Variants in TINAGL1 observed in about 807,000 individuals in gnomAD.
TINAGL1 encodes the protein tubulointerstitial nephritis antigen-like.
In TINAGL1, 34 loss-of-function variants were observed where a neutral mutation model predicts 62.0. That is an observed-to-expected ratio of 0.55 (90% confidence interval 0.42 to 0.73). TINAGL1 has a LOEUF of 0.73. Among genes scored for constraint, TINAGL1 ranks in the 30% least tolerant of loss-of-function variants. The probability of loss-of-function intolerance (pLI) is 0.00; values close to 1 mark genes in which losing one functional copy is unlikely to be tolerated. For synonymous variants in TINAGL1, 221 were observed against 249.7 expected (o/e 0.88, Z 1.08); for missense variants, 516 against 653.2 (o/e 0.79, Z 2.29).
Position 31,583,249 on chromosome 1 carries a change from G to T in TINAGL1, c.467+8G>T, listed in dbSNP as rs780121232. 1 of 1,613,738 alleles carries T rather than the reference G, an allele frequency of 6.2e-7. No individual in the cohort carries two copies. Among genetic ancestry groups the T allele is most frequent in the South Asian group, 1.1e-5 (1 of 91,076 alleles). On this transcript the variant is annotated splice_region_variant and intron_variant, in intron 4 of 11. Coordinates refer to ENST00000271064, the MANE Select transcript of TINAGL1 (RefSeq NM_022164.3). The surrounding 1 kb of genome is among the most constrained non-coding windows in gnomAD (Gnocchi z 4.4). ...CAACCAGGGCAACTATGGGTGAGAGGCCCTAGAGGCACCCTCAGTGGGCAC... is the reference window on the plus strand; with the variant it reads ...CAACCAGGGCAACTATGGGTGAGAGTCCCTAGAGGCACCCTCAGTGGGCAC...
At position 31,578,435 on chromosome 1, in the gene TINAGL1, G is replaced by GT. The variant is rs202026222; in HGVS notation, c.311-768dup. Among the ~76,000 whole-genome samples, 476 of 77,156 alleles carry GT rather than the reference G, an allele frequency of 6.2e-3. 4 individuals carry two copies. Among genetic ancestry groups the GT allele is most frequent in the Non-Finnish European group, 9.2e-3 (398 of 43,270 alleles). The allele number at this position is 77,156 out of a possible 152,430, so 50.6% of individuals were successfully genotyped here. A position where few individuals can be genotyped will look rare whatever the true frequency, so the allele number is the denominator to read the frequency against. On this transcript the variant is annotated intron_variant, in intron 2 of 11. Coordinates refer to ENST00000271064, the MANE Select transcript of TINAGL1 (RefSeq NM_022164.3). The stretch of plus-strand genomic sequence containing the variant: ...TATAGTTTAATTTTAGTGACAGCTG[G>GT]TGTGTGTGTGTGTGTGTGTGTGTGA...
rs577650878 is a variant in TINAGL1, at chr1:31,587,119, G to T, written c.*140G>T. On this transcript the variant is annotated 3_prime_UTR_variant, in exon 12 of 12. Transcript: ENST00000271064. ...CGCCAGGGCGCTAATCCCGGCGCGG[G>T]TTCCGCTGACGCAGCGCCCCGCCTG... 8 of 1,255,490 alleles carry T rather than the reference G, an allele frequency of 6.4e-6. No individual in the cohort carries two copies. In the South Asian group the frequency reaches 2.1e-4, roughly 33 times the overall value. 77.8% of individuals were successfully genotyped at this position (1,255,490 alleles called of 1,614,324 possible).
rs1394933752 is a variant in TINAGL1 at position 31,585,327 on chromosome 1, G to A, written c.1034G>A (p.Arg345His). ...ATCTACCAGGTCACTCCTGTCTACC[G>A]CCTCGGCTCCAACGTAAGTCAGCAC... ...NDIYQVTPVY[R>H]LGSNDKEIMK... The change falls in exon 8 of 12, where the codon CGC becomes CAC. Residue 345 changes from arginine (R) to histidine (H), a missense_variant. Arg to His is a conservative substitution (Grantham distance 29). Transcript: ENST00000271064. The surrounding 1 kb of genome is among the most constrained non-coding windows in gnomAD (Gnocchi z 4.3). 5 of 1,604,642 alleles carry A rather than the reference G, an allele frequency of 3.1e-6. No individual in the cohort carries two copies. The highest frequency in any genetic ancestry group is 1.3e-5 in the African/African-American group (1 of 74,852).
At chr1:31,580,872 C>G in intron 3 of TINAGL1, 3 of 995,374 alleles carry the variant, frequency 3.0e-6, no homozygotes, top group Non-Finnish European at 3.9e-6. Context: ...AGTCCTTGTC[C>G]CATTTCTAGT....
At chr1:31,586,437 TCTCTGGAGGACCCAGGTTCCCTC>T in intron 10 of TINAGL1, 1 of 571,700 alleles carries the variant, frequency 1.7e-6, no homozygotes, top group East Asian at 3.0e-5. Flanking sequence ...AGGAGGTGGG[TCTCTGGAGGACCCAGGTTCCCTC>T]CTCTTCTGCT....
intron 3 of TINAGL1, among the ~76,000 whole-genome samples, chr1:31,581,515 T>C (rs906025941): frequency 6.6e-6 from 1 of 151,934 alleles, no homozygotes; most frequent in Non-Finnish European, 1.5e-5. Context: ...ATTTTCAGAG[T>C]TGAAGATGTT....
In TINAGL1 at chr1:31,577,063, C is replaced by A; in HGVS notation, c.-15-71C>A. 2 of 1,342,674 alleles carry A rather than the reference C, an allele frequency of 1.5e-6. No homozygotes were observed. Among genetic ancestry groups the A allele is most frequent in the Non-Finnish European group, 2.0e-6 (2 of 1,017,466 alleles). 83.2% of individuals were successfully genotyped at this position (1,342,674 alleles called of 1,614,324 possible). ...CTGCTGGGCCCTCTTGAACTCACAG[C>A]TCCAGGAAACTGGGAGACTCATCCC... On this transcript the variant is annotated intron_variant, in intron 1 of 11. Transcript: ENST00000271064. This position sits in a 1 kb window ranked among gnomAD's most constrained non-coding sequence, Gnocchi z 5.4.
chr1:31,579,087 G>A, intron 2 of TINAGL1, 117 bp from the exon 3 acceptor site: 1 of 735,136 alleles, frequency 1.4e-6, no homozygotes, highest in Admixed American at 2.1e-5. Flanking sequence ...GTGAGACAGA[G>A]AGAGAGAAAG....
At chr1:31,578,435 G>A (rs1371303292) in intron 2 of TINAGL1, among the ~76,000 whole-genome samples, 2 of 77,178 alleles carry the variant, frequency 2.6e-5, no homozygotes, top group Non-Finnish European at 4.6e-5. Context: ...GTGACAGCTG[G>A]TGTGTGTGTG....
chr1:31,583,705 G>A lies in TINAGL1; in HGVS notation c.582+130G>A. 1 of 751,624 alleles carries A rather than the reference G, an allele frequency of 1.3e-6. No individual in the cohort carries two copies. Among genetic ancestry groups the A allele is most frequent in the Non-Finnish European group, 2.2e-6 (1 of 453,596 alleles). The allele number at this position is 751,624 out of a possible 1,614,324, so 46.6% of individuals were successfully genotyped here. On this transcript the variant is annotated intron_variant, in intron 5 of 11. Coordinates refer to ENST00000271064, the MANE Select transcript of TINAGL1 (RefSeq NM_022164.3). The surrounding 1 kb of genome is among the most constrained non-coding windows in gnomAD (Gnocchi z 4.4). ...TACAAGGCTGTGTGTCCCTGGACAAGTTACTCCCCTTCTCTGGGCCTCTGT... is the reference window on the plus strand; with the variant it reads ...TACAAGGCTGTGTGTCCCTGGACAAATTACTCCCCTTCTCTGGGCCTCTGT...
chr1:31,577,261 G>T lies in TINAGL1; in HGVS notation c.113G>T (p.Arg38Leu). The stretch of plus-strand genomic sequence containing the variant: ...GAGCTAGCACCGGGTCTGCACCTGC[G>T]GGGCATCCGGGACGCGGGAGGCCGG... Reference protein sequence around the residue: ...RRELAPGLHLRGIRDAGGRYC... With the variant: ...RRELAPGLHLLGIRDAGGRYC... Residue 38 changes from arginine to leucine, a missense_variant, in exon 2 of 12, where the codon CGG becomes CTG. Coordinates refer to ENST00000271064, the MANE Select transcript of TINAGL1 (RefSeq NM_022164.3). The surrounding 1 kb of genome is among the most constrained non-coding windows in gnomAD (Gnocchi z 5.4). 1 of 1,611,216 alleles carries T rather than the reference G, an allele frequency of 6.2e-7. No individual in the cohort carries two copies.
Position 31,583,197 on chromosome 1 carries a change from G to A in TINAGL1, c.423G>A (p.Leu141=). The A allele has an allele frequency of 6.2e-7, 1 of 1,614,190 alleles. No individual in the cohort carries two copies. The change falls in exon 4 of 12, where the codon CTG becomes CTA. Residue 141 remains leucine, a synonymous_variant. Transcript: ENST00000271064. This position sits in a 1 kb window ranked among gnomAD's most constrained non-coding sequence, Gnocchi z 4.4. ...GGCAGTGTGACCAAGAACCATGCCT[G>A]GTGGATCCAGACATGATCAAAGCCA... ...RQWQCDQEPC[L]VDPDMIKAIN... is the part of the protein sequence containing the mutation.
At position 31,583,770 on chromosome 1, in the gene TINAGL1, T is replaced by C. The variant is rs1639310656; in HGVS notation, c.582+195T>C. On this transcript the variant is annotated intron_variant, in intron 5 of 11. Transcript: ENST00000271064. The surrounding 1 kb of genome is among the most constrained non-coding windows in gnomAD (Gnocchi z 4.4). ...GGATGTGCTGTGCTGGAAGAACTGA[T>C]GCTCAGATTGAATTTCGTGGTCTTG... is the stretch of plus-strand genomic sequence containing the variant. The C allele has an allele frequency of 5.0e-6, 3 of 598,586 alleles. No homozygotes were observed. The highest frequency in any genetic ancestry group is 8.9e-6 in the Non-Finnish European group (3 of 336,000). 37.1% of individuals were successfully genotyped at this position (598,586 alleles called of 1,614,324 possible).
chr1:31,577,444 T>C lies in TINAGL1; in HGVS notation c.296T>C (p.Phe99Ser), dbSNP rs1639016180. ...WDFCLGVPPPFPPIQGCMHGG... is the reference protein window; with the variant it reads ...WDFCLGVPPPSPPIQGCMHGG... ...TTCTGCCTCGGCGTGCCACCCCCTT[T>C]TCCCCCGATCCAAGGTGGGCACTAA... The change falls in exon 2 of 12, where the codon TTT (phenylalanine) becomes TCT (serine). Residue 99 changes from phenylalanine to serine, a missense_variant. Phe to Ser is a radical substitution (Grantham distance 155). Coordinates refer to ENST00000271064, the MANE Select transcript of TINAGL1 (RefSeq NM_022164.3). The surrounding 1 kb of genome is among the most constrained non-coding windows in gnomAD (Gnocchi z 5.4). 1.2e-6 allele frequency: 2 copies of C among 1,611,064 alleles called. No homozygotes were observed. The highest frequency in any genetic ancestry group is 1.7e-4 in the Middle Eastern group (1 of 6,048).
chr1:31,585,977 C>A lies in TINAGL1; in HGVS notation c.1217+101C>A. On this transcript the variant is annotated intron_variant, in intron 10 of 11. Coordinates refer to ENST00000271064, the MANE Select transcript of TINAGL1 (RefSeq NM_022164.3). This position sits in a 1 kb window ranked among gnomAD's most constrained non-coding sequence, Gnocchi z 4.3. ...TTACAACCTCTCTAAAAAGCCAGGACTGCTCTCATCATTTCAATAGGGAGA... is the reference window on the plus strand; with the variant it reads ...TTACAACCTCTCTAAAAAGCCAGGAATGCTCTCATCATTTCAATAGGGAGA... The A allele has an allele frequency of 7.2e-7, 1 of 1,382,656 alleles. No homozygotes were observed. Among genetic ancestry groups the A allele is most frequent in the Non-Finnish European group, 9.5e-7 (1 of 1,047,404 alleles). 85.6% of individuals were successfully genotyped at this position (1,382,656 alleles called of 1,614,324 possible).
At chr1:31,579,400 C>A (rs963711554) in intron 3 of TINAGL1, 133 bp downstream of exon 3, 1 of 742,710 alleles carries the variant, frequency 1.3e-6, no homozygotes, top group Non-Finnish European at 2.3e-6. Context: ...TCCTCATCTG[C>A]AATAGAGGAA....
In TINAGL1 at chr1:31,583,671, A is replaced by G. The variant is rs1557560796; in HGVS notation, c.582+96A>G. On this transcript the variant is annotated intron_variant, in intron 5 of 11. Coordinates refer to ENST00000271064, the MANE Select transcript of TINAGL1 (RefSeq NM_022164.3). The surrounding 1 kb of genome is among the most constrained non-coding windows in gnomAD (Gnocchi z 4.4). ...CCCTGCTCCTCCAAGGGCCTGGACC[A>G]TCCCCTACTACAAGGCTGTGTGTCC... The G allele has an allele frequency of 2.9e-6, 3 of 1,047,606 alleles. No homozygotes were observed. Among genetic ancestry groups the G allele is most frequent in the East Asian group, 2.6e-5 (1 of 38,434 alleles). The allele number at this position is 1,047,606 out of a possible 1,614,324, so 64.9% of individuals were successfully genotyped here. A position where few individuals can be genotyped will look rare whatever the true frequency, so the allele number is the denominator to read the frequency against.
At chr1:31,586,440 C>T (rs1639392746) in intron 10 of TINAGL1, 1 of 578,040 alleles carries the variant, frequency 1.7e-6, no homozygotes. Context: ...AGGTGGGTCT[C>T]TGGAGGACCC....
Position 31,577,381 on chromosome 1 carries a change from A to G in TINAGL1, c.233A>G (p.Asn78Ser). 1 of 1,614,030 alleles carries G rather than the reference A, an allele frequency of 6.2e-7. No individual in the cohort carries two copies. The highest frequency in any genetic ancestry group is 8.5e-7 in the Non-Finnish European group (1 of 1,180,026). ...GAICYCDLFC[N>S]RTVSDCCPDF... ...ATCTGTTACTGTGACCTCTTCTGCA[A>G]CCGCACGGTCTCCGACTGCTGCCCT... The change falls in exon 2 of 12, where the codon AAC (asparagine) becomes AGC (serine). Residue 78 changes from asparagine to serine, a missense_variant. Physicochemically the swap from Asn to Ser is conservative, Grantham distance 46. Coordinates refer to ENST00000271064, the MANE Select transcript of TINAGL1 (RefSeq NM_022164.3). The surrounding 1 kb of genome is among the most constrained non-coding windows in gnomAD (Gnocchi z 5.4).
Sources: allele counts gnomAD v4.1 joint callset (sites outside exome capture counted in the v4.1 genomes callset), GRCh38; gene constraint gnomAD v4.1.1; non-coding constraint Gnocchi (gnomAD v3.1); transcripts MANE v1.5; gene names NCBI Gene and HGNC (gene_info 2026-07-23, HGNC 2026-07-21).